Variants in PRKAG2 observed in about 807,000 individuals in gnomAD.
PRKAG2 encodes the protein 5'-AMP-activated protein kinase subunit gamma-2.
Under a neutral mutation model 69.6 loss-of-function variants are expected in PRKAG2, and 26 were observed. That is an observed-to-expected ratio of 0.37 (90% CI 0.27 to 0.52). The LOEUF is 0.52. PRKAG2 is among the 20% of genes least tolerant of loss of function. The pLI is 0.90. For missense variants in PRKAG2, 557 were observed against 740.0 expected (o/e 0.75, Z 2.87); for synonymous variants, 293 against 285.0 (o/e 1.03, Z -0.28).
intron 1 of PRKAG2, chr7:151,810,367 G>A (rs1441032712): frequency 6.6e-6 from 1 of 152,270 alleles, no homozygotes; most frequent in South Asian, 2.1e-4. Flanking sequence ...GTTTCTCACT[G>A]TCCTCAGCTC....
intron 6 of PRKAG2, among the ~76,000 whole-genome samples, chr7:151,582,211 AG>A (rs375768249): frequency 4.4e-4 from 67 of 152,254 alleles, no homozygotes; most frequent in African/African-American, 1.6e-3. Context: ...GTGCAGTGGC[AG>A]GAACATGGCT....
intron 3 of PRKAG2, among the ~76,000 whole-genome samples, chr7:151,765,303 G>A (rs1227173994): frequency 6.6e-6 from 1 of 152,158 alleles, no homozygotes; most frequent in African/African-American, 2.4e-5. Flanking sequence ...GAGTGAAGGG[G>A]AAGTGCTACA....
chr7:151,843,702 A>G (rs1348590221), intron 1 of PRKAG2, among the ~76,000 whole-genome samples: 2 of 152,224 alleles, frequency 1.3e-5, no homozygotes, highest in Admixed American at 1.3e-4. Flanking sequence ...CTGGAACTTG[A>G]GACCACTTAT....
intron 1 of PRKAG2, among the ~76,000 whole-genome samples, chr7:151,851,334 C>T (rs2079562173): frequency 6.7e-6 from 1 of 148,410 alleles, no homozygotes; most frequent in Non-Finnish European, 1.5e-5. Context: ...GAGTTTGGGG[C>T]CTCTGGCAAA....
chr7:151,671,823 G>C (rs904270358), intron 4 of PRKAG2, among the ~76,000 whole-genome samples: 9 of 152,306 alleles, frequency 5.9e-5, no homozygotes, highest in South Asian at 2.1e-4. Context: ...GTGGGGTGAG[G>C]GGCTTGCTTA....
rs577040492 is a variant in PRKAG2 at position 151,817,493 on chromosome 7, T to C, written c.115-30952A>G. Among the ~76,000 whole-genome samples the C allele has an allele frequency of 2.6e-5, 4 of 152,244 alleles. No individual in the cohort carries two copies. In the East Asian group the frequency reaches 7.7e-4, roughly 29 times the overall value. On this transcript the variant is annotated intron_variant, in intron 1 of 15. Transcript: ENST00000287878. ...ATGGGCTGCCAGGCCCACAGGAGCC[T>C]GGCCCACGGTCATCCTTCCACACCC... is the stretch of plus-strand genomic sequence containing the variant.
intron 3 of PRKAG2, among the ~76,000 whole-genome samples, chr7:151,725,368 C>G (rs1333513583): frequency 6.6e-6 from 1 of 152,000 alleles, no homozygotes; most frequent in Non-Finnish European, 1.5e-5. Flanking sequence ...AGAAGGGTGG[C>G]CTCCAGGGGC....
intron 3 of PRKAG2, chr7:151,735,807 A>C (rs1390064694): frequency 1.4e-6 from 2 of 1,463,344 alleles, no homozygotes; most frequent in East Asian, 5.0e-5. Context: ...GAGTGGCTGG[A>C]AACAGCTACT....
intron 1 of PRKAG2, among the ~76,000 whole-genome samples, chr7:151,821,609 A>AC (rs140655492): frequency 3.3e-5 from 5 of 151,728 alleles, no homozygotes; most frequent in African/African-American, 1.2e-4. Flanking sequence ...GCACAAAACC[A>AC]TTTTTTTTCT....
At chr7:151,845,265 G>A (rs982321705) in intron 1 of PRKAG2, among the ~76,000 whole-genome samples, 1 of 152,082 alleles carries the variant, frequency 6.6e-6, no homozygotes, top group Non-Finnish European at 1.5e-5. Flanking sequence ...TGAAGACGTT[G>A]TTAGTGGAGA....
intron 2 of PRKAG2, among the ~76,000 whole-genome samples, chr7:151,782,898 G>A (rs58368463): frequency 0.028 from 4,331 of 152,318 alleles, 156 homozygotes; most frequent in East Asian, 0.19. Flanking sequence ...TCAGAAGCAA[G>A]AAGGGCGAGT....
intron 9 of PRKAG2, chr7:151,572,346 C>T (rs1807770623): frequency 1.4e-5 from 3 of 221,376 alleles, no homozygotes; most frequent in Non-Finnish European, 2.6e-5. Flanking sequence ...AGGGCTTAGA[C>T]TTAGTAGTGA....
intron 1 of PRKAG2, among the ~76,000 whole-genome samples, chr7:151,827,526 A>C (rs1344393788): frequency 2.0e-5 from 3 of 152,176 alleles, no homozygotes; most frequent in African/African-American, 7.2e-5. Context: ...GGTGTGAGCC[A>C]CTGCACCCAG....
intron 3 of PRKAG2, among the ~76,000 whole-genome samples, chr7:151,678,331 G>A (rs1400107293): frequency 6.6e-6 from 1 of 152,220 alleles, no homozygotes; most frequent in African/African-American, 2.4e-5. Context: ...GCTGTCCTGA[G>A]CCAAGGGGTC....
chr7:151,571,352 C>T (rs1205691240), intron 9 of PRKAG2, among the ~76,000 whole-genome samples: 5 of 151,858 alleles, frequency 3.3e-5, no homozygotes, highest in South Asian at 2.1e-4. Context: ...GGATTATAGG[C>T]GTGAGCTACT....
chr7:151,559,672 T>C (rs1804486841), intron 15 of PRKAG2: 1 of 985,236 alleles, frequency 1.0e-6, no homozygotes, highest in African/African-American at 1.7e-5. Flanking sequence ...AAAACTAGTC[T>C]TAACTGAAAT....
chr7:151,608,754 A>C (rs889636888), intron 5 of PRKAG2, among the ~76,000 whole-genome samples: 13 of 151,836 alleles, frequency 8.6e-5, no homozygotes, highest in African/African-American at 2.7e-4. Flanking sequence ...CAAAACAAAA[A>C]CCTTTATATA....
chr7:151,734,859 T>C (rs1431974782), intron 3 of PRKAG2, among the ~76,000 whole-genome samples: 1 of 142,350 alleles, frequency 7.0e-6, no homozygotes, highest in Admixed American at 7.0e-5. Context: ...TTTTTTTTTT[T>C]TTTTTTTTTT....
In PRKAG2 at chr7:151,597,548, A is replaced by C. The variant is rs185834079; in HGVS notation, c.755-2094T>G. ...ACATCTGATAAAGGGTTAATATCCAAAACAGATTAGGAACTCAAACAACTC... is the reference window on the plus strand; with the variant it reads ...ACATCTGATAAAGGGTTAATATCCACAACAGATTAGGAACTCAAACAACTC... On this transcript the variant is annotated intron_variant, in intron 5 of 15. Coordinates refer to ENST00000287878, the MANE Select transcript of PRKAG2 (RefSeq NM_016203.4). Among the ~76,000 whole-genome samples, 3 of 152,244 alleles carry C rather than the reference A, an allele frequency of 2.0e-5. No individual in the cohort carries two copies. In the East Asian group the frequency reaches 5.8e-4, roughly 29 times the overall value.
Sources: gnomAD v4.1 joint callset for allele counts (sites outside exome capture counted in the v4.1 genomes callset) on GRCh38, gnomAD v4.1.1 for gene constraint, MANE v1.5 for transcripts, NCBI Gene and HGNC (gene_info 2026-07-23, HGNC 2026-07-21) for gene names.